Variants in ADAM7 observed in about 807,000 individuals in gnomAD.
ADAM7 encodes the protein disintegrin and metalloproteinase domain-containing protein 7.
Under a neutral mutation model 102.9 loss-of-function variants are expected in ADAM7, and 97 were observed. That is an observed-to-expected ratio of 0.94 (90% CI 0.80 to 1.12). The LOEUF (loss-of-function observed/expected upper bound fraction) is 1.12, where lower values mean the gene tolerates loss of function less well. Ranked by LOEUF, ADAM7 falls within the 50% of genes most tolerant of loss-of-function variation. The probability of loss-of-function intolerance (pLI) is 0.00; values close to 1 mark genes in which losing one functional copy is unlikely to be tolerated. For missense variants in ADAM7, 991 were observed against 908.7 expected (o/e 1.09, Z -1.16); for synonymous variants, 334 against 304.4 (o/e 1.10, Z -1.01).
At chr8:24,489,037 C>T in intron 11 of ADAM7, 122 bp from the exon 12 acceptor site, 1 of 864,596 alleles carries the variant, frequency 1.2e-6, no homozygotes, top group South Asian at 2.5e-5. Flanking sequence ...CCAGTTACTT[C>T]CCTGCTCTAA....
chr8:24,482,404 A>G (rs1317057655), intron 9 of ADAM7, 93 bp downstream of exon 9: 5 of 1,382,942 alleles, frequency 3.6e-6, no homozygotes, highest in Non-Finnish European at 9.9e-7. Flanking sequence ...TTTTTTAAGC[A>G]TTTGACTTTT....
chr8:24,448,058 A>G (rs1329226898), intron 3 of ADAM7, among the ~76,000 whole-genome samples: 1 of 152,094 alleles, frequency 6.6e-6, no homozygotes, highest in Non-Finnish European at 1.5e-5. Flanking sequence ...TCCCATAACC[A>G]TATTGATAAT....
chr8:24,445,500 C>G (rs183440214), intron 2 of ADAM7, among the ~76,000 whole-genome samples: 1 of 152,272 alleles, frequency 6.6e-6, no homozygotes, highest in East Asian at 1.9e-4. Flanking sequence ...CTCTCTTACT[C>G]CATCTGACTA....
At chr8:24,472,685 T>C (rs1318263757) in intron 7 of ADAM7, among the ~76,000 whole-genome samples, 1 of 151,918 alleles carries the variant, frequency 6.6e-6, no homozygotes, top group Non-Finnish European at 1.5e-5. Flanking sequence ...AGAGTCCAAC[T>C]AGAGAGATTA....
chr8:24,447,753 A>G (rs1213233974), intron 3 of ADAM7, among the ~76,000 whole-genome samples: 1 of 152,134 alleles, frequency 6.6e-6, no homozygotes, highest in Non-Finnish European at 1.5e-5. Context: ...CTTCAAAAGA[A>G]TGTCTATTGT....
chr8:24,451,045 G>A (rs1345533932), intron 3 of ADAM7, among the ~76,000 whole-genome samples: 5 of 151,826 alleles, frequency 3.3e-5, no homozygotes, highest in Admixed American at 6.6e-5. Context: ...TGCTGGATTC[G>A]GTTTGCCAGC....
intron 16 of ADAM7, among the ~76,000 whole-genome samples, chr8:24,496,950 G>C (rs1339863961): frequency 6.6e-6 from 1 of 152,098 alleles, no homozygotes; most frequent in Non-Finnish European, 1.5e-5. Flanking sequence ...ATTTGGGAGG[G>C]GCCAGGGACG....
At chr8:24,450,816 T>C (rs1818753854) in intron 3 of ADAM7, among the ~76,000 whole-genome samples, 2 of 152,192 alleles carry the variant, frequency 1.3e-5, no homozygotes, top group Non-Finnish European at 2.9e-5. Flanking sequence ...TATTTTGAGA[T>C]ACATCCCATC....
At chr8:24,506,739 G>C (rs1243144622) in intron 20 of ADAM7, among the ~76,000 whole-genome samples, 3 of 141,522 alleles carry the variant, frequency 2.1e-5, no homozygotes, top group Non-Finnish European at 3.0e-5. Context: ...ACATGCATTA[G>C]AGACTGAGTC....
At chr8:24,476,906 A>G (rs1819785850) in intron 8 of ADAM7, among the ~76,000 whole-genome samples, 1 of 152,182 alleles carries the variant, frequency 6.6e-6, no homozygotes, top group Admixed American at 6.5e-5. Flanking sequence ...TTTCAGTAAA[A>G]TATATTAAAA....
chr8:24,491,739 C>A, intron 13 of ADAM7, 164 bp from the exon 14 acceptor site: 1 of 556,022 alleles, frequency 1.8e-6, no homozygotes, highest in Non-Finnish European at 3.1e-6. Flanking sequence ...TACATGAGTG[C>A]CAACACATTG....
intron 7 of ADAM7, among the ~76,000 whole-genome samples, chr8:24,474,503 A>G (rs1010181448): frequency 6.6e-6 from 1 of 152,168 alleles, no homozygotes; most frequent in African/African-American, 2.4e-5. Flanking sequence ...AGAAGTTCCT[A>G]AGGTAAATCA....
chr8:24,477,886 G>C (rs1819820587), intron 8 of ADAM7, among the ~76,000 whole-genome samples: 2 of 151,902 alleles, frequency 1.3e-5, no homozygotes, highest in African/African-American at 4.8e-5. Flanking sequence ...CTAGCCTACT[G>C]ATGTACTCAT....
intron 15 of ADAM7, 136 bp from the exon 16 acceptor site, chr8:24,492,907 C>G: frequency 1.2e-6 from 1 of 847,722 alleles, no homozygotes; most frequent in Non-Finnish European, 1.7e-6. Context: ...CAGTGGTTTT[C>G]TCTGCCCATT....
At chr8:24,476,194 TAGAA>T (rs1350036332) in intron 7 of ADAM7, among the ~76,000 whole-genome samples, 4 of 152,128 alleles carry the variant, frequency 2.6e-5, no homozygotes, top group Non-Finnish European at 1.5e-5. Context: ...GAAACAGAGT[TAGAA>T]AGAAAAGCTT....
At chr8:24,507,196 C>T (rs1820980173) in intron 20 of ADAM7, among the ~76,000 whole-genome samples, 1 of 151,988 alleles carries the variant, frequency 6.6e-6, no homozygotes, top group African/African-American at 2.4e-5. Flanking sequence ...AATCTCTTAC[C>T]TAATATATTC....
chr8:24,455,915 TA>T (rs1480131645), intron 3 of ADAM7, among the ~76,000 whole-genome samples: 1 of 152,222 alleles, frequency 6.6e-6, no homozygotes, highest in Non-Finnish European at 1.5e-5. Context: ...CAATGTGTAA[TA>T]ATTAAATCAA....
chr8:24,490,541 G>T, intron 12 of ADAM7: 1 of 368,296 alleles, frequency 2.7e-6, no homozygotes, highest in Non-Finnish European at 4.9e-6. Flanking sequence ...GATAACTGAA[G>T]ATTATAAATG....
At chr8:24,499,163 T>G (rs928735016) in intron 16 of ADAM7, 73 bp from the exon 17 acceptor site, 10 of 1,165,138 alleles carry the variant, frequency 8.6e-6, no homozygotes, top group Non-Finnish European at 1.2e-5. Context: ...GCACTTCACA[T>G]GCATTACATG....
Sources: allele counts gnomAD v4.1 joint callset (sites outside exome capture counted in the v4.1 genomes callset), GRCh38; gene constraint gnomAD v4.1.1; transcripts MANE v1.5; gene names NCBI Gene and HGNC (gene_info 2026-07-23, HGNC 2026-07-21).